Variants in PRPF18 observed in about 807,000 individuals in gnomAD.
PRPF18 encodes pre-mRNA-splicing factor 18.
In PRPF18, 38 loss-of-function variants were observed where a neutral mutation model predicts 46.5. That is an observed-to-expected ratio of 0.82 (90% CI 0.63 to 1.07). The LOEUF (loss-of-function observed/expected upper bound fraction) is 1.07. PRPF18 is among the 50% of genes least tolerant of loss of function. PRPF18 has a pLI of 0.00. For synonymous variants in PRPF18, 152 were observed against 146.7 expected (o/e 1.04, Z -0.26); for missense variants, 263 against 410.0 (o/e 0.64, Z 3.10).
the PRPF18 span, chr10:13,652,140 C>T: frequency 9.6e-6 from 6 of 626,886 alleles, no homozygotes; most frequent in Non-Finnish European, 1.7e-5. Flanking sequence ...ACTTTCAGTC[C>T]CCATAATTGA....
chr10:13,626,963 G>A (rs572168342), intron 9 of PRPF18, among the ~76,000 whole-genome samples: 2 of 152,170 alleles, frequency 1.3e-5, no homozygotes, highest in South Asian at 4.2e-4. Flanking sequence ...CTTCCTTGCT[G>A]CCACTGGGTC....
At chr10:13,654,772 G>C in the PRPF18 span, 5 of 512,190 alleles carry the variant, frequency 9.8e-6, no homozygotes, top group East Asian at 1.6e-4. Flanking sequence ...TCTGAGTCAA[G>C]CTGACCTGGG....
intron 1 of PRPF18, among the ~76,000 whole-genome samples, chr10:13,595,400 T>G (rs1308240907): frequency 3.9e-5 from 2 of 50,962 alleles, no homozygotes; most frequent in Non-Finnish European, 9.5e-5. Flanking sequence ...TTTCCTTTCT[T>G]TCTACACAGC....
At position 13,630,519 on chromosome 10, in the gene PRPF18, G is replaced by A. The variant is rs754494642; in HGVS notation, c.*179G>A. On this transcript the variant is annotated 3_prime_UTR_variant, in exon 10 of 10. Coordinates refer to ENST00000378572, the MANE Select transcript of PRPF18 (RefSeq NM_003675.4). ...GTTGGCCTTCATTTCATATCTGACTGCAAGCTGATTTTTCTTTCTTGCTTT... is the reference window on the plus strand; with the variant it reads ...GTTGGCCTTCATTTCATATCTGACTACAAGCTGATTTTTCTTTCTTGCTTT... The A allele has an allele frequency of 2.5e-6, 1 of 401,238 alleles. No individual in the cohort carries two copies. Among genetic ancestry groups the A allele is most frequent in the Non-Finnish European group, 4.5e-6 (1 of 224,324 alleles). 24.9% of individuals were successfully genotyped at this position (401,238 alleles called of 1,614,324 possible).
chr10:13,625,555 G>A (rs1038182077), intron 9 of PRPF18, among the ~76,000 whole-genome samples: 2 of 152,130 alleles, frequency 1.3e-5, no homozygotes, highest in Admixed American at 1.3e-4. Flanking sequence ...GGGAAGATAG[G>A]AAATAAAGAA....
chr10:13,654,030 T>G, the PRPF18 span: 1 of 383,660 alleles, frequency 2.6e-6, no homozygotes, highest in Non-Finnish European at 4.6e-6. Flanking sequence ...CCAGTGTATT[T>G]GCTGTCTTCA....
intron 2 of PRPF18, 118 bp from the exon 3 acceptor site, chr10:13,600,126 A>G: frequency 1.3e-6 from 1 of 753,434 alleles, no homozygotes; most frequent in South Asian, 2.1e-5. Context: ...GCTCAGAGGA[A>G]TATTAGAAAA....
intron 9 of PRPF18, among the ~76,000 whole-genome samples, chr10:13,618,710 G>A (rs1264402133): frequency 4.6e-5 from 7 of 151,278 alleles, no homozygotes; most frequent in African/African-American, 1.5e-4. Flanking sequence ...TAATAACTTA[G>A]TGTAGGTTCT....
At position 13,613,738 on chromosome 10, in the gene PRPF18, C is replaced by T; in HGVS notation, c.580-3C>T. The T allele has an allele frequency of 6.2e-7, 1 of 1,611,030 alleles. No homozygotes were observed. Among genetic ancestry groups the T allele is most frequent in the South Asian group, 1.1e-5 (1 of 90,192 alleles). ...AGTCTAAGTTTACCCATCCTTTCAA[C>T]AGTTTCTTCTTGGCGTTTGGGCTAA... is the stretch of plus-strand genomic sequence containing the variant. On this transcript the variant is annotated splice_region_variant and splice_polypyrimidine_tract_variant and intron_variant, in intron 6 of 9. Coordinates refer to ENST00000378572, the MANE Select transcript of PRPF18 (RefSeq NM_003675.4).
rs183376476 is a variant in PRPF18 at position 13,612,494 on chromosome 10, A to T, written c.579+811A>T. On this transcript the variant is annotated intron_variant, in intron 6 of 9. Coordinates refer to ENST00000378572, the MANE Select transcript of PRPF18 (RefSeq NM_003675.4). Reference sequence around the variant, plus strand: ...GAGACAGGTTTTCACCCTGTTGGCCAGGCTGGTCTTGAACTCCTGACCACA... The same window carrying T: ...GAGACAGGTTTTCACCCTGTTGGCCTGGCTGGTCTTGAACTCCTGACCACA... Among the ~76,000 whole-genome samples, 9 of 151,984 alleles carry T rather than the reference A, an allele frequency of 5.9e-5. No homozygotes were observed. The East Asian group carries it at 1.4e-3, about 23-fold the overall frequency.
intron 9 of PRPF18, among the ~76,000 whole-genome samples, chr10:13,617,510 C>T (rs1025687021): frequency 1.3e-5 from 2 of 149,838 alleles, no homozygotes; most frequent in African/African-American, 4.9e-5. Flanking sequence ...TTTTAATAAC[C>T]ACCAGTGAGT....
chr10:13,639,715 C>T, the PRPF18 span: 84,072 of 151,970 alleles, frequency 0.55, 23,669 homozygotes, highest in East Asian at 0.79. Context: ...TCAGTAGGGG[C>T]GCTGGTTGTG....
intron 3 of PRPF18, among the ~76,000 whole-genome samples, chr10:13,604,447 C>T (rs1004530578): frequency 6.6e-6 from 1 of 152,160 alleles, no homozygotes; most frequent in Non-Finnish European, 1.5e-5. Context: ...AATAAATATT[C>T]ATGTAACCAT....
At chr10:13,655,447 G>GATGAAGAAGGAAC in the PRPF18 span, 7 of 152,316 alleles carry the variant, frequency 4.6e-5, no homozygotes, top group South Asian at 1.4e-3. Flanking sequence ...CTATTTTACA[G>GATGAAGAAGGAAC]ATGAAGAAGG....
chr10:13,590,505 C>T (rs2079944194), intron 1 of PRPF18, among the ~76,000 whole-genome samples: 1 of 149,722 alleles, frequency 6.7e-6, no homozygotes, highest in South Asian at 2.1e-4. Context: ...CCTGTAGTCC[C>T]AGCTACTCAG....
chr10:13,637,145 A>G, the PRPF18 span: 3 of 152,304 alleles, frequency 2.0e-5, no homozygotes, highest in Admixed American at 2.0e-4. Flanking sequence ...TTTCTTGGTG[A>G]ATATACATCT....
chr10:13,654,453 G>T, the PRPF18 span: 34 of 1,613,442 alleles, frequency 2.1e-5, no homozygotes, highest in Admixed American at 3.3e-5. Flanking sequence ...GGGCTGCTTG[G>T]GGGGGTGGCT....
intron 8 of PRPF18, 82 bp from the exon 9 acceptor site, chr10:13,616,316 G>A: frequency 1.4e-6 from 2 of 1,382,624 alleles, no homozygotes. Flanking sequence ...ACATCATAAA[G>A]GGCTGTGAAA....
intron 9 of PRPF18, 37 bp from the exon 10 acceptor site, chr10:13,630,223 A>G (rs2080576414): frequency 6.7e-7 from 1 of 1,493,168 alleles, no homozygotes; most frequent in African/African-American, 1.4e-5. Flanking sequence ...TAATTTAACC[A>G]TGTCATAACC....
Sources: allele counts gnomAD v4.1 joint callset (sites outside exome capture counted in the v4.1 genomes callset), GRCh38; gene constraint gnomAD v4.1.1; transcripts MANE v1.5; gene names NCBI Gene and HGNC (gene_info 2026-07-23, HGNC 2026-07-21).